PRMT7: variants seen among roughly 807,000 people sequenced by gnomAD.
PRMT7 encodes the protein protein arginine methyltransferase 7.
Under a neutral mutation model 85.4 loss-of-function variants are expected in PRMT7, and 75 were observed. The observed-to-expected ratio is 0.88, with a 90% CI of 0.73 to 1.06. The LOEUF is 1.06. Ranked by LOEUF, PRMT7 falls within the 50% of genes least tolerant of loss-of-function variation. The pLI, the probability that PRMT7 is intolerant of heterozygous loss-of-function variation, is 0.00. For synonymous variants in PRMT7, 397 were observed against 359.5 expected, an observed-to-expected ratio of 1.10 and a Z score of -1.18; for missense variants, 868 against 915.2, an observed-to-expected ratio of 0.95 and a Z score of 0.67.
chr16:68,346,275 A>AG lies in PRMT7; in HGVS notation c.1188dup (p.Thr397AspfsTer50). 1 of 1,614,238 alleles carries AG rather than the reference A, an allele frequency of 6.2e-7. No individual in the cohort carries two copies. The highest frequency in any genetic ancestry group is 8.5e-7 in the Non-Finnish European group (1 of 1,180,030). On this transcript the variant is annotated frameshift_variant, in exon 11 of 19. Transcript: ENST00000441236. LOFTEE classifies it high-confidence loss of function. ...AACTGATCGATACGTCCAGGCTCTGAGGACCGTAAGTGTCCAGCCCCTTGG... is the reference window on the plus strand; with the variant it reads ...AACTGATCGATACGTCCAGGCTCTGAGGGACCGTAAGTGTCCAGCCCCTTGG...
chr16:68,326,263 CTG>C (rs1359761735), intron 5 of PRMT7, among the ~76,000 whole-genome samples: 1 of 152,134 alleles, frequency 6.6e-6, no homozygotes, highest in African/African-American at 2.4e-5. Context: ...CTCAAAATCA[CTG>C]TGGTTTAAGG....
chr16:68,338,437 C>T (rs933988417), intron 7 of PRMT7, among the ~76,000 whole-genome samples: 1 of 151,756 alleles, frequency 6.6e-6, no homozygotes, highest in African/African-American at 2.4e-5. Flanking sequence ...TTTGAGCTCT[C>T]TAAAGGTCAG....
intron 4 of PRMT7, among the ~76,000 whole-genome samples, chr16:68,322,162 C>T (rs938332156): frequency 1.3e-5 from 2 of 152,078 alleles, no homozygotes; most frequent in African/African-American, 4.8e-5. Flanking sequence ...ATTACAGGTG[C>T]GTGCCATGAC....
chr16:68,353,049 A>T (rs1215308689), intron 15 of PRMT7, among the ~76,000 whole-genome samples: 2 of 152,138 alleles, frequency 1.3e-5, no homozygotes, highest in African/African-American at 4.8e-5. Context: ...GTCACGATCC[A>T]TGCGTGCGTG....
At chr16:68,324,496 T>G in intron 4 of PRMT7, 187 bp from the exon 5 acceptor site, 1 of 627,414 alleles carries the variant, frequency 1.6e-6, no homozygotes, top group Non-Finnish European at 2.8e-6. Flanking sequence ...GACAGTCGCT[T>G]AATAAAGGGC....
Position 68,347,243 on chromosome 16 carries a change from C to T in PRMT7, c.1224C>T (p.Val408=), listed in dbSNP as rs2086554915. ...AGCCAGACAGCGTGTGCCTGTGTGT[C>T]AGCGATGGCAGCCTGCTCTCCGTGC... ...VLKPDSVCLC[V]SDGSLLSVLA... The change falls in exon 12 of 19, where the codon GTC becomes GTT. Residue 408 remains valine (V), a synonymous_variant. Transcript: ENST00000441236. 6.4e-7 allele frequency: 1 copy of T among 1,553,298 alleles called. No homozygotes were observed. The highest frequency in any genetic ancestry group is 1.2e-5 in the South Asian group (1 of 83,998).
intron 11 of PRMT7, among the ~76,000 whole-genome samples, chr16:68,346,537 A>C (rs889495933): frequency 6.6e-6 from 1 of 150,432 alleles, no homozygotes; most frequent in African/African-American, 2.5e-5. Context: ...GCCTTGTCAG[A>C]CACAGTCATT....
intron 17 of PRMT7, 128 bp from the exon 18 acceptor site, chr16:68,356,573 A>G: frequency 1.4e-6 from 1 of 694,198 alleles, no homozygotes; most frequent in Non-Finnish European, 2.5e-6. Context: ...CTGCAGCACT[A>G]GGAACTCCCG....
intron 4 of PRMT7, 108 bp from the exon 5 acceptor site, chr16:68,324,575 G>C: frequency 1.5e-6 from 2 of 1,369,166 alleles, no homozygotes; most frequent in East Asian, 2.4e-5. Context: ...AAAGGCCATA[G>C]GGCCCTGACT....
In PRMT7 at chr16:68,348,436, G is replaced by A. The variant is rs2086730291; in HGVS notation, c.1413+5G>A. On this transcript the variant is annotated splice_donor_5th_base_variant and intron_variant, in intron 14 of 18. Coordinates refer to ENST00000441236, the MANE Select transcript of PRMT7 (RefSeq NM_019023.5). The stretch of plus-strand genomic sequence containing the variant: ...GAGGACCTACAGGGCAGAAAGGTGA[G>A]TAGCGGGAGCCTTTTGGCCACGCTG... The A allele has an allele frequency of 1.2e-6, 2 of 1,605,966 alleles. No homozygotes were observed. Among genetic ancestry groups the A allele is most frequent in the South Asian group, 1.1e-5 (1 of 90,848 alleles).
Position 68,311,184 on chromosome 16 carries a change from G to C in PRMT7, c.-219+85G>C, listed in dbSNP as rs200457709. On this transcript the variant is annotated intron_variant, in intron 1 of 18. Coordinates refer to ENST00000441236, the MANE Select transcript of PRMT7 (RefSeq NM_019023.5). ...ATGGTGTCCTTGGCACCAGGGTTTC[G>C]GCAGAGGAGCCTAGCGTGGGCCTAC... 6.7e-6 allele frequency: 4 copies of C among 597,228 alleles called. No individual in the cohort carries two copies. The East Asian group carries it at 1.2e-4, about 17-fold the overall frequency. 37.0% of individuals were successfully genotyped at this position (597,228 alleles called of 1,614,324 possible).
intron 3 of PRMT7, among the ~76,000 whole-genome samples, chr16:68,316,523 T>C (rs1459349305): frequency 6.6e-6 from 1 of 152,202 alleles, no homozygotes; most frequent in Admixed American, 6.5e-5. Flanking sequence ...CCTAGCACTT[T>C]GGGAGGCCGA....
At chr16:68,339,062 T>C (rs2151726727) in intron 7 of PRMT7, among the ~76,000 whole-genome samples, 1 of 152,244 alleles carries the variant, frequency 6.6e-6, no homozygotes, top group South Asian at 2.1e-4. Context: ...CGTGAAGCAT[T>C]TAAGAGTGCC....
intron 9 of PRMT7, among the ~76,000 whole-genome samples, 199 bp downstream of exon 9, chr16:68,340,167 A>T (rs925698955): frequency 7.2e-5 from 11 of 152,166 alleles, no homozygotes; most frequent in African/African-American, 2.7e-4. Context: ...CATGGTGAGC[A>T]CTCATGGACA....
intron 9 of PRMT7, among the ~76,000 whole-genome samples, chr16:68,344,933 T>TACACACACACACACACACATACACACAC (rs60808184): frequency 1.5e-4 from 20 of 131,164 alleles, no homozygotes; most frequent in African/African-American, 4.8e-4. Context: ...CCTGCATCTC[T>TACACACACACACACACACATACACACAC]ACACACACAC....
intron 14 of PRMT7, among the ~76,000 whole-genome samples, chr16:68,349,710 A>G (rs1023836416): frequency 5.9e-5 from 9 of 152,012 alleles, no homozygotes; most frequent in Non-Finnish European, 2.9e-5. Flanking sequence ...TCTGAGTAAC[A>G]TAGGGAGACC....
rs1014959895 is a variant in PRMT7, at chr16:68,329,105, G to C, written c.322G>C (p.Glu108Gln). The change falls in exon 6 of 19, where the codon GAG becomes CAG. Residue 108 changes from glutamate (E) to glutamine (Q), a missense_variant. Glu to Gln is a conservative substitution (Grantham distance 29). Transcript: ENST00000441236. ...PMADAAVKIV[E>Q]KNGFSDKIKV... ...GGCTGATGCTGCTGTGAAGATTGTG[G>C]AGAAAAATGGCTTTAGTGATAAGAT... 1.2e-6 allele frequency: 2 copies of C among 1,612,858 alleles called. No homozygotes were observed. Among genetic ancestry groups the C allele is most frequent in the Admixed American group, 3.3e-5 (2 of 60,004 alleles).
At chr16:68,356,479 C>G (rs2088507741) in intron 17 of PRMT7, among the ~76,000 whole-genome samples, 1 of 152,228 alleles carries the variant, frequency 6.6e-6, no homozygotes, top group Admixed American at 6.5e-5. Flanking sequence ...CATGTGTGGC[C>G]CGGCTGCAGG....
In PRMT7 at chr16:68,321,796, T is replaced by G. The variant is rs183485683; in HGVS notation, c.132+334T>G. 276 of 224,842 alleles carry G rather than the reference T, an allele frequency of 1.2e-3. 3 individuals carry two copies. Among genetic ancestry groups the G allele is most frequent in the African/African-American group, 5.9e-3 (259 of 44,152 alleles). 13.9% of individuals were successfully genotyped at this position (224,842 alleles called of 1,614,324 possible). A position where few individuals can be genotyped will look rare whatever the true frequency, so the allele number is the denominator to read the frequency against. Reference sequence around the variant, plus strand: ...CTTTTTTGTGTGTGGTGAGAACATTTAAGATCTACTCGCTTAGTAATTTTT... The same window carrying G: ...CTTTTTTGTGTGTGGTGAGAACATTGAAGATCTACTCGCTTAGTAATTTTT... On this transcript the variant is annotated intron_variant, in intron 4 of 18. Transcript: ENST00000441236.
Sources: gnomAD v4.1 joint callset for allele counts (sites outside exome capture counted in the v4.1 genomes callset) on GRCh38, gnomAD v4.1.1 for gene constraint, MANE v1.5 for transcripts, NCBI Gene and HGNC (gene_info 2026-07-23, HGNC 2026-07-21) for gene names.